The following FNDC3B variants were observed in gnomAD, a reference collection of about 807,000 sequenced individuals.
FNDC3B encodes fibronectin type III domain-containing protein 3B.
Under a neutral mutation model 151.5 loss-of-function variants are expected in FNDC3B, and 12 were observed. That is an observed-to-expected ratio of 0.08 (90% CI 0.05 to 0.13). The LOEUF (loss-of-function observed/expected upper bound fraction) is 0.13, where lower values mean the gene tolerates loss of function less well. Ranked by LOEUF, FNDC3B falls within the 10% of genes least tolerant of loss-of-function variation. The probability of loss-of-function intolerance (pLI) is 1.00; values close to 1 mark genes in which losing one functional copy is unlikely to be tolerated. For synonymous variants in FNDC3B, 528 were observed against 549.0 expected (o/e 0.96, Z 0.54); for missense variants, 1,214 against 1,505.3 (o/e 0.81, Z 3.20).
At chr3:172,261,680 C>A (rs1728654270) in intron 6 of FNDC3B, among the ~76,000 whole-genome samples, 1 of 152,180 alleles carries the variant, frequency 6.6e-6, no homozygotes, top group African/African-American at 2.4e-5. Context: ...AACAGTGATT[C>A]TATTAGGCTG....
At chr3:172,361,456 A>G (rs1734360759) in intron 22 of FNDC3B, among the ~76,000 whole-genome samples, 1 of 152,188 alleles carries the variant, frequency 6.6e-6, no homozygotes, top group South Asian at 2.1e-4. Flanking sequence ...TATCACTCTT[A>G]AGTTCAGCCT....
chr3:172,109,164 C>CTTTTTT (rs398052444), intron 1 of FNDC3B, among the ~76,000 whole-genome samples: 14 of 120,056 alleles, frequency 1.2e-4, no homozygotes, highest in African/African-American at 3.5e-4. Flanking sequence ...GCCTTGGATT[C>CTTTTTT]TTTTTTTTTT....
rs114007771 is a variant in FNDC3B at position 172,386,444 on chromosome 3, C to T, written c.3303+5351C>T. ...AAATTCTTGGTGCTCAGATTTGTTG[C>T]GTAAAGAAAACCTCTGGGCTGGGCG... On this transcript the variant is annotated intron_variant, in intron 25 of 25. Transcript: ENST00000415807. Among the ~76,000 whole-genome samples, 809 of 152,130 alleles carry T rather than the reference C, an allele frequency of 5.3e-3. 3 individuals are homozygous for T. Among genetic ancestry groups the T allele is most frequent in the Non-Finnish European group, 9.0e-3 (615 of 67,974 alleles).
At chr3:172,041,136 A>T (rs1716025122) in intron 1 of FNDC3B, among the ~76,000 whole-genome samples, 1 of 152,138 alleles carries the variant, frequency 6.6e-6, no homozygotes, top group African/African-American at 2.4e-5. Context: ...AAAAATCCAC[A>T]GGTTTCTCTC....
intron 4 of FNDC3B, among the ~76,000 whole-genome samples, chr3:172,229,108 C>T (rs934545627): frequency 8.0e-5 from 12 of 150,668 alleles, no homozygotes; most frequent in Non-Finnish European, 1.5e-4. Flanking sequence ...CACACACACA[C>T]ACACACACAC....
At chr3:172,278,908 C>G (rs1280838982) in intron 6 of FNDC3B, among the ~76,000 whole-genome samples, 1 of 152,080 alleles carries the variant, frequency 6.6e-6, no homozygotes, top group Non-Finnish European at 1.5e-5. Context: ...GCCTGGGCAA[C>G]AGAGTGAGAC....
intron 2 of FNDC3B, chr3:172,126,946 C>G (rs1720834265): frequency 2.2e-6 from 1 of 453,672 alleles, no homozygotes; most frequent in Non-Finnish European, 4.4e-6. Context: ...ATAGGAGTCA[C>G]TCTTGTTGCC....
At position 172,163,531 on chromosome 3, in the gene FNDC3B, C is replaced by T. The variant is rs572006930; in HGVS notation, c.187+29985C>T. ...ATGCACGCACACATGCATCCAACAC[C>T]GCTACCCCAAAACATGAGCTTGAAG... On this transcript the variant is annotated intron_variant, in intron 3 of 25. Coordinates refer to ENST00000415807, the MANE Select transcript of FNDC3B (RefSeq NM_022763.4). Among the ~76,000 whole-genome samples, 6 of 152,236 alleles carry T rather than the reference C, an allele frequency of 3.9e-5. No homozygotes were observed. The South Asian group carries it at 8.3e-4, about 21-fold the overall frequency.
chr3:172,176,394 G>A (rs1723595115), intron 3 of FNDC3B, among the ~76,000 whole-genome samples: 1 of 152,184 alleles, frequency 6.6e-6, no homozygotes. Context: ...TCCATTTAAA[G>A]TTTTGATAGT....
At chr3:172,052,823 A>G (rs1716731417) in intron 1 of FNDC3B, among the ~76,000 whole-genome samples, 1 of 152,222 alleles carries the variant, frequency 6.6e-6, no homozygotes, top group African/African-American at 2.4e-5. Context: ...ATGGCTGGAA[A>G]GAGGTGAGAA....
intron 2 of FNDC3B, among the ~76,000 whole-genome samples, chr3:172,131,580 A>T (rs1472377240): frequency 6.6e-6 from 1 of 152,218 alleles, no homozygotes; most frequent in Non-Finnish European, 1.5e-5. Flanking sequence ...ATAATTCAAG[A>T]TAATGAGAAG....
chr3:172,043,143 C>A (rs1716176222), intron 1 of FNDC3B, among the ~76,000 whole-genome samples: 1 of 152,190 alleles, frequency 6.6e-6, no homozygotes, highest in African/African-American at 2.4e-5. Context: ...TCACGAACTC[C>A]TGACTTCAGG....
chr3:172,315,672 T>A (rs1334932278), intron 11 of FNDC3B, among the ~76,000 whole-genome samples: 2 of 152,182 alleles, frequency 1.3e-5, no homozygotes, highest in African/African-American at 4.8e-5. Flanking sequence ...ATGAGTCACA[T>A]CACATTTTTA....
chr3:172,382,347 C>T (rs1295786235), intron 25 of FNDC3B, among the ~76,000 whole-genome samples: 1 of 151,980 alleles, frequency 6.6e-6, no homozygotes, highest in East Asian at 1.9e-4. Context: ...TGTGTAAGGT[C>T]CTTGTAGGTG....
At chr3:172,367,106 A>G (rs1472254239) in intron 23 of FNDC3B, among the ~76,000 whole-genome samples, 1 of 152,188 alleles carries the variant, frequency 6.6e-6, no homozygotes, top group East Asian at 1.9e-4. Context: ...CCCCCCTGGG[A>G]TAGGACATTT....
intron 24 of FNDC3B, among the ~76,000 whole-genome samples, chr3:172,378,713 C>G (rs1277726203): frequency 1.3e-5 from 2 of 152,128 alleles, no homozygotes; most frequent in Non-Finnish European, 2.9e-5. Context: ...ACCCTTAAGA[C>G]AGTTTACCAA....
In FNDC3B at chr3:172,234,643, A is replaced by G. The variant is rs538226246; in HGVS notation, c.264+7696A>G. Among the ~76,000 whole-genome samples, 100 of 152,332 alleles carry G rather than the reference A, an allele frequency of 6.6e-4. 1 individual carries two copies. The highest frequency in any genetic ancestry group is 1.7e-3 in the South Asian group (8 of 4,830). ...GACTAGAATGCTAGTTTTCACCTCT[A>G]TACAAAAATGATAATTGATTTTCAT... On this transcript the variant is annotated intron_variant, in intron 4 of 25. Transcript: ENST00000415807.
chr3:172,285,702 A>G (rs1428055358), intron 6 of FNDC3B, among the ~76,000 whole-genome samples: 3 of 152,182 alleles, frequency 2.0e-5, no homozygotes, highest in Admixed American at 6.5e-5. Context: ...CATCGCGAAC[A>G]CTTAAAACTA....
chr3:172,144,635 T>C (rs1218957178), intron 3 of FNDC3B, among the ~76,000 whole-genome samples: 1 of 152,212 alleles, frequency 6.6e-6, no homozygotes, highest in Non-Finnish European at 1.5e-5. Context: ...TTGAGAGCAC[T>C]AAACATTTTG....
Sources: gnomAD v4.1 joint callset for allele counts (sites outside exome capture counted in the v4.1 genomes callset) on GRCh38, gnomAD v4.1.1 for gene constraint, MANE v1.5 for transcripts, NCBI Gene and HGNC (gene_info 2026-07-23, HGNC 2026-07-21) for gene names.